Variants in BBX observed in about 807,000 individuals in gnomAD.
BBX encodes the protein HMG box transcription factor BBX.
Under a neutral mutation model 100.2 loss-of-function variants are expected in BBX, and 30 were observed. That is an observed-to-expected ratio of 0.30 (90% CI 0.22 to 0.41). The LOEUF is 0.41. BBX is among the 10% of genes least tolerant of loss of function. BBX has a pLI of 1.00. For missense variants in BBX, 1,023 were observed against 1,129.8 expected, an observed-to-expected ratio of 0.91 and a Z score of 1.35; for synonymous variants, 376 against 388.1, an observed-to-expected ratio of 0.97 and a Z score of 0.37.
intron 5 of BBX, among the ~76,000 whole-genome samples, chr3:107,727,026 A>G (rs917082761): frequency 4.6e-5 from 7 of 152,118 alleles, no homozygotes; most frequent in East Asian, 1.9e-4. Flanking sequence ...GATGCTGGCA[A>G]TCATTCTGGT....
chr3:107,673,619 CT>C (rs1216789851), intron 3 of BBX, among the ~76,000 whole-genome samples: 1 of 151,980 alleles, frequency 6.6e-6, no homozygotes, highest in Admixed American at 6.6e-5. Context: ...AAAAGTATGC[CT>C]CCTTACAATA....
chr3:107,578,084 C>G (rs1213656002), intron 2 of BBX, among the ~76,000 whole-genome samples: 1 of 152,154 alleles, frequency 6.6e-6, no homozygotes, highest in Admixed American at 6.5e-5. Flanking sequence ...GTTCTCCTAC[C>G]TAAGCAATTC....
intron 2 of BBX, among the ~76,000 whole-genome samples, chr3:107,530,363 C>CG (rs1239383373): frequency 6.6e-6 from 1 of 151,680 alleles, no homozygotes; most frequent in Non-Finnish European, 1.5e-5. Context: ...CCAGCCTGGG[C>CG]GACAGAGCAA....
At chr3:107,620,825 T>C (rs550424028) in intron 2 of BBX, among the ~76,000 whole-genome samples, 5 of 152,006 alleles carry the variant, frequency 3.3e-5, no homozygotes, top group Admixed American at 6.6e-5. Context: ...AAAATCCTGC[T>C]ACTTCACTAG....
chr3:107,556,751 G>C (rs1362190193), intron 2 of BBX, among the ~76,000 whole-genome samples: 1 of 152,176 alleles, frequency 6.6e-6, no homozygotes, highest in Non-Finnish European at 1.5e-5. Context: ...TTTTTGGATA[G>C]ATTCTGGAGC....
At chr3:107,670,187 C>T (rs2058949147) in intron 3 of BBX, among the ~76,000 whole-genome samples, 1 of 152,032 alleles carries the variant, frequency 6.6e-6, no homozygotes, top group African/African-American at 2.4e-5. Context: ...ATCACTAATA[C>T]ATTTTATTAA....
intron 10 of BBX, among the ~76,000 whole-genome samples, chr3:107,769,107 G>T (rs1017909398): frequency 1.3e-5 from 2 of 151,574 alleles, no homozygotes; most frequent in Non-Finnish European, 2.9e-5. Context: ...GGTCGAGGCT[G>T]CCATGAGCTA....
At chr3:107,599,667 C>T (rs377725195) in intron 2 of BBX, 1 of 151,964 alleles carries the variant, frequency 6.6e-6, no homozygotes, top group African/African-American at 2.4e-5. Flanking sequence ...GCTGTAAGGT[C>T]GTAATTCTAT....
chr3:107,540,672 G>T (rs2048803187), intron 2 of BBX, among the ~76,000 whole-genome samples: 1 of 152,164 alleles, frequency 6.6e-6, no homozygotes, highest in South Asian at 2.1e-4. Flanking sequence ...TTTAAAGGTT[G>T]CTATTAACAT....
chr3:107,752,108 A>G (rs1318717197), intron 9 of BBX, among the ~76,000 whole-genome samples: 3 of 152,230 alleles, frequency 2.0e-5, no homozygotes, highest in African/African-American at 4.8e-5. Context: ...TTGAAAAATT[A>G]TATTTACCTT....
rs143483812 is a variant in BBX at position 107,733,066 on chromosome 3, G to A, written c.669+43G>A. On this transcript the variant is annotated intron_variant, in intron 7 of 17. Transcript: ENST00000325805. ...CGTCTCCACTCTGCTCATACTGTGG[G>A]TTGGGAACACAGTTATAGTCTGTTT... 25 of 1,547,022 alleles carry A rather than the reference G, an allele frequency of 1.6e-5. No homozygotes were observed. In the African/African-American group the frequency reaches 3.0e-4, roughly 18 times the overall value.
At chr3:107,562,094 T>C (rs772645998) in intron 2 of BBX, among the ~76,000 whole-genome samples, 5 of 152,216 alleles carry the variant, frequency 3.3e-5, no homozygotes, top group Non-Finnish European at 7.3e-5. Flanking sequence ...CACATTTCCA[T>C]GCACTAAGCC....
intron 13 of BBX, among the ~76,000 whole-genome samples, chr3:107,783,898 G>A (rs1193949298): frequency 6.6e-6 from 1 of 151,996 alleles, no homozygotes; most frequent in South Asian, 2.1e-4. Context: ...AGTCAATTTA[G>A]AAGCATTTGC....
intron 3 of BBX, among the ~76,000 whole-genome samples, chr3:107,708,853 A>C (rs2061547910): frequency 6.6e-6 from 1 of 152,178 alleles, no homozygotes; most frequent in Admixed American, 6.5e-5. Flanking sequence ...AGAACAATCG[A>C]CATATATTTA....
intron 2 of BBX, among the ~76,000 whole-genome samples, chr3:107,609,339 T>C (rs1039728571): frequency 1.2e-4 from 18 of 152,250 alleles, no homozygotes; most frequent in Middle Eastern, 3.4e-3. Context: ...TACTGGCCTA[T>C]ACTTTTCTTT....
chr3:107,696,344 C>A (rs946511138), intron 3 of BBX, among the ~76,000 whole-genome samples: 21 of 151,610 alleles, frequency 1.4e-4, no homozygotes, highest in Non-Finnish European at 2.6e-4. Flanking sequence ...ACCGGTTGTT[C>A]CTTTCCATGT....
At position 107,705,345 on chromosome 3, in the gene BBX, G is replaced by T. The variant is rs115080180; in HGVS notation, c.-9-5107G>T. On this transcript the variant is annotated intron_variant, in intron 3 of 17. Coordinates refer to ENST00000325805, the MANE Select transcript of BBX (RefSeq NM_001142568.3). ...TGAGTGGAATTTCATTGGACTTTTA[G>T]GAAACAGTTTAAAATACCACCGTGA... 2.8e-3 allele frequency among the ~76,000 whole-genome samples: 433 copies of T among 152,110 alleles called. 1 individual carries two copies. Among genetic ancestry groups the T allele is most frequent in the African/African-American group, 7.2e-3 (299 of 41,496 alleles).
Position 107,728,748 on chromosome 3 carries a change from T to C in BBX, c.406-17T>C, listed in dbSNP as rs1406919925. 4 of 1,588,010 alleles carry C rather than the reference T, an allele frequency of 2.5e-6. No individual in the cohort carries two copies. Among genetic ancestry groups the C allele is most frequent in the Middle Eastern group, 1.7e-4 (1 of 5,912 alleles). ...TATTTGTTAATTAAAATCTGCTGTC[T>C]GTCGTTTTATTTATAGTATAAGGAT... On this transcript the variant is annotated splice_polypyrimidine_tract_variant and intron_variant, in intron 5 of 17. Transcript: ENST00000325805.
At chr3:107,632,077 T>TTTGTTG (rs34759490) in intron 2 of BBX, among the ~76,000 whole-genome samples, 1 of 151,222 alleles carries the variant, frequency 6.6e-6, no homozygotes, top group Non-Finnish European at 1.5e-5. Context: ...AAATGCTTTT[T>TTTGTTG]TTGTTGTTGT....
Sources: allele counts gnomAD v4.1 joint callset (sites outside exome capture counted in the v4.1 genomes callset), GRCh38; gene constraint gnomAD v4.1.1; transcripts MANE v1.5; gene names NCBI Gene and HGNC (gene_info 2026-07-23, HGNC 2026-07-21).